The following ABI3BP variants were observed in gnomAD, a reference collection of about 807,000 sequenced individuals.
The protein encoded by ABI3BP is target of Nesh-SH3.
ABI3BP carries 216 observed loss-of-function variants against 268.6 expected under a neutral mutation model. The observed-to-expected ratio is 0.80, with a 90% confidence interval of 0.72 to 0.90. The LOEUF (loss-of-function observed/expected upper bound fraction) is 0.90, where lower values mean the gene tolerates loss of function less well. Among genes scored for constraint, ABI3BP ranks in the 40% least tolerant of loss-of-function variants. The pLI, the probability that ABI3BP is intolerant of heterozygous loss-of-function variation, is 0.00. For synonymous variants in ABI3BP, 730 were observed against 730.0 expected, an observed-to-expected ratio of 1.00 and a Z score of 0.00; for missense variants, 2,090 against 2,182.4, an observed-to-expected ratio of 0.96 and a Z score of 0.84.
At chr3:100,816,018 TA>T (rs756307252) in intron 43 of ABI3BP, 47 bp from the exon 44 acceptor site, 11 of 1,359,194 alleles carry the variant, frequency 8.1e-6, no homozygotes, top group Middle Eastern at 2.1e-4. Context: ...AAAGACTTTT[TA>T]AAAAAAATCC....
chr3:100,890,330 A>G (rs767086985), intron 4 of ABI3BP, among the ~76,000 whole-genome samples: 3 of 152,120 alleles, frequency 2.0e-5, no homozygotes, highest in Admixed American at 6.5e-5. Flanking sequence ...GACTGTAACT[A>G]CTGAGAAAAA....
chr3:100,921,184 C>A (rs1267449878), intron 2 of ABI3BP, among the ~76,000 whole-genome samples: 1 of 152,138 alleles, frequency 6.6e-6, no homozygotes, highest in East Asian at 1.9e-4. Flanking sequence ...CCATTGGAGT[C>A]CTAACACCTG....
intron 1 of ABI3BP, among the ~76,000 whole-genome samples, chr3:100,975,665 T>C (rs990274700): frequency 1.3e-5 from 2 of 152,098 alleles, no homozygotes; most frequent in African/African-American, 4.8e-5. Flanking sequence ...AATAACATGT[T>C]TTCACCACCA....
intron 63 of ABI3BP, among the ~76,000 whole-genome samples, 184 bp from the exon 64 acceptor site, chr3:100,754,875 A>G (rs567401958): frequency 1.4e-4 from 22 of 152,324 alleles, no homozygotes; most frequent in Middle Eastern, 3.4e-3. Context: ...CTATCTGAAC[A>G]GCTTGTCTAA....
intron 42 of ABI3BP, 132 bp downstream of exon 42, chr3:100,817,304 A>G (rs2098085039): frequency 1.6e-6 from 1 of 612,270 alleles, no homozygotes; most frequent in Non-Finnish European, 2.7e-6. Flanking sequence ...TTGAAGGACA[A>G]TATAAAGTTG....
At chr3:100,984,165 C>G (rs549295626) in intron 1 of ABI3BP, among the ~76,000 whole-genome samples, 1 of 151,790 alleles carries the variant, frequency 6.6e-6, no homozygotes. Context: ...AAAATCCCAC[C>G]CTAGACCAAT....
chr3:100,920,692 A>G (rs1005242903), intron 2 of ABI3BP, among the ~76,000 whole-genome samples: 1 of 152,180 alleles, frequency 6.6e-6, no homozygotes, highest in East Asian at 1.9e-4. Flanking sequence ...AAGTGCTGGG[A>G]TTACAGGCAT....
chr3:100,753,074 A>G, intron 65 of ABI3BP, 126 bp from the exon 66 acceptor site: 1 of 771,146 alleles, frequency 1.3e-6, no homozygotes, highest in Non-Finnish European at 2.0e-6. Flanking sequence ...ACTGGAGCCA[A>G]AAATATTAGA....
chr3:100,831,657 T>G (rs1244733149), intron 31 of ABI3BP, among the ~76,000 whole-genome samples: 2 of 152,140 alleles, frequency 1.3e-5, no homozygotes, highest in Admixed American at 1.3e-4. Flanking sequence ...AGTTATCCTC[T>G]GTCTGGTGAG....
chr3:100,767,491 G>C (rs1011468006), intron 62 of ABI3BP, among the ~76,000 whole-genome samples: 3 of 151,910 alleles, frequency 2.0e-5, no homozygotes, highest in African/African-American at 7.3e-5. Context: ...GAGAGGAAGG[G>C]AGAGAATTCT....
chr3:100,911,124 G>T, intron 2 of ABI3BP: 1 of 340,816 alleles, frequency 2.9e-6, no homozygotes, highest in South Asian at 3.1e-5. Context: ...GTGATTTCTT[G>T]AATTGTCATC....
At chr3:100,908,439 G>C (rs2054590637) in intron 2 of ABI3BP, among the ~76,000 whole-genome samples, 2 of 152,058 alleles carry the variant, frequency 1.3e-5, no homozygotes, top group Admixed American at 6.6e-5. Flanking sequence ...CTGCTACAAA[G>C]AGAATAAAAT....
intron 6 of ABI3BP, among the ~76,000 whole-genome samples, chr3:100,880,832 T>G (rs761557051): frequency 6.6e-6 from 1 of 152,176 alleles, no homozygotes; most frequent in Non-Finnish European, 1.5e-5. Flanking sequence ...AAGGATGTTA[T>G]TTTTTGTAGG....
At chr3:100,867,010 T>A in intron 9 of ABI3BP, 54 bp from the exon 10 acceptor site, 1 of 1,336,982 alleles carries the variant, frequency 7.5e-7, no homozygotes, top group South Asian at 1.2e-5. Context: ...CAAAAATACC[T>A]CCCTCAATGC....
intron 27 of ABI3BP, among the ~76,000 whole-genome samples, chr3:100,836,470 A>G (rs2098592980): frequency 6.6e-6 from 1 of 152,186 alleles, no homozygotes; most frequent in African/African-American, 2.4e-5. Context: ...TCAAGACATC[A>G]TAGCACAAAG....
At chr3:100,886,101 A>T in intron 5 of ABI3BP, 41 bp downstream of exon 5, 1 of 1,481,758 alleles carries the variant, frequency 6.7e-7, no homozygotes. Flanking sequence ...TAAGAAAAAA[A>T]TTATAAAAGC....
chr3:100,964,808 G>A (rs2080642647), intron 1 of ABI3BP, among the ~76,000 whole-genome samples: 1 of 152,068 alleles, frequency 6.6e-6, no homozygotes, highest in African/African-American at 2.4e-5. Context: ...AAAAATTTTG[G>A]CATCCTCCTA....
intron 20 of ABI3BP, chr3:100,843,804 C>T (rs2098737327): frequency 1.0e-6 from 1 of 984,904 alleles, no homozygotes; most frequent in Admixed American, 6.2e-5. Flanking sequence ...TTTGAAACTT[C>T]AAGATTGTAA....
chr3:100,810,325 A>G (rs1435855298), intron 49 of ABI3BP, 87 bp downstream of exon 49: 1 of 1,153,470 alleles, frequency 8.7e-7, no homozygotes, highest in Non-Finnish European at 1.2e-6. Flanking sequence ...AGAATGATGA[A>G]GTCAGGGCCT....
Sources: allele counts gnomAD v4.1 joint callset (sites outside exome capture counted in the v4.1 genomes callset), GRCh38; gene constraint gnomAD v4.1.1; transcripts MANE v1.5; gene names NCBI Gene and HGNC (gene_info 2026-07-23, HGNC 2026-07-21).